The following PAH variants were observed in gnomAD, a reference collection of about 807,000 sequenced individuals.
The protein encoded by PAH is phenylalanine hydroxylase.
Under a neutral mutation model 62.0 loss-of-function variants are expected in PAH, and 64 were observed. The observed-to-expected ratio is 1.03, with a 90% CI of 0.84 to 1.27. The LOEUF is 1.27. PAH is among the 50% of genes most tolerant of loss of function. The probability of loss-of-function intolerance (pLI) is 0.00; values close to 1 mark genes in which losing one functional copy is unlikely to be tolerated. For synonymous variants in PAH, 195 were observed against 196.2 expected, an observed-to-expected ratio of 0.99 and a Z score of 0.05; for missense variants, 579 against 542.8, an observed-to-expected ratio of 1.07 and a Z score of -0.66.
upstream of PAH, among the ~76,000 whole-genome samples, chr12:102,955,072 A>T (rs1174431500): frequency 2.6e-5 from 4 of 152,238 alleles, no homozygotes; most frequent in Non-Finnish European, 5.9e-5. Context: ...TTTGGCCAGA[A>T]GGATCCCAGC....
intron 3 of PAH, among the ~76,000 whole-genome samples, chr12:102,883,939 G>T (rs1402600477): frequency 6.6e-6 from 1 of 152,192 alleles, no homozygotes; most frequent in Non-Finnish European, 1.5e-5. Context: ...GAGGGTTGAT[G>T]GGAGGATTAA....
chr12:102,904,899 C>A (rs1877913152), intron 2 of PAH, among the ~76,000 whole-genome samples: 1 of 152,116 alleles, frequency 6.6e-6, no homozygotes, highest in Admixed American at 6.6e-5. Context: ...TGCTCATTGC[C>A]ATTTTTCTGT....
At chr12:102,933,482 T>C (rs1878991376) in intron 1 of PAH, among the ~76,000 whole-genome samples, 1 of 152,150 alleles carries the variant, frequency 6.6e-6, no homozygotes. Context: ...TTATTTGGGG[T>C]ATATACCCAG....
intron 1 of PAH, among the ~76,000 whole-genome samples, chr12:102,926,372 G>T (rs1431325637): frequency 6.6e-6 from 1 of 151,820 alleles, no homozygotes; most frequent in African/African-American, 2.4e-5. Flanking sequence ...TAATATATGA[G>T]TAAATGGGAC....
chr12:102,901,345 T>G (rs1342914381), intron 2 of PAH, among the ~76,000 whole-genome samples: 4 of 152,246 alleles, frequency 2.6e-5, no homozygotes, highest in Non-Finnish European at 2.9e-5. Flanking sequence ...GTTGGTATTC[T>G]GTGTTTAAAA....
intron 11 of PAH, among the ~76,000 whole-genome samples, chr12:102,842,335 G>A (rs1874627432): frequency 6.6e-6 from 1 of 152,228 alleles, no homozygotes; most frequent in African/African-American, 2.4e-5. Context: ...AGAAGGACTT[G>A]AGAGCTCTGG....
intron 8 of PAH, among the ~76,000 whole-genome samples, chr12:102,850,299 A>G (rs985689586): frequency 2.0e-5 from 3 of 152,192 alleles, no homozygotes; most frequent in Admixed American, 2.0e-4. Context: ...ACCTCACATA[A>G]AAGTAATTTT....
intron 6 of PAH, among the ~76,000 whole-genome samples, chr12:102,854,506 T>C (rs1337973329): frequency 6.6e-6 from 1 of 152,202 alleles, no homozygotes; most frequent in Non-Finnish European, 1.5e-5. Flanking sequence ...GCTACTCAGA[T>C]TTCAATTCAG....
At chr12:102,890,015 T>G (rs1877209673) in intron 3 of PAH, among the ~76,000 whole-genome samples, 1 of 152,326 alleles carries the variant, frequency 6.6e-6, no homozygotes, top group Admixed American at 6.5e-5. Flanking sequence ...CCTATTAAAT[T>G]CACATCAGCT....
In PAH at chr12:102,877,447, G is replaced by C; in HGVS notation, c.441+15C>G. On this transcript the variant is annotated intron_variant, in intron 4 of 12. Transcript: ENST00000553106. Reference sequence around the variant, plus strand: ...AGGCACTGAAAAAATCTCATCCTACGGGCCATGGACTCACAGGGTGGTCAG... The same window carrying C: ...AGGCACTGAAAAAATCTCATCCTACCGGCCATGGACTCACAGGGTGGTCAG... The C allele has an allele frequency of 6.3e-7, 1 of 1,598,072 alleles. No homozygotes were observed. Among genetic ancestry groups the C allele is most frequent in the Non-Finnish European group, 8.6e-7 (1 of 1,165,432 alleles).
intron 5 of PAH, among the ~76,000 whole-genome samples, chr12:102,860,056 A>C (rs1875646536): frequency 6.6e-6 from 1 of 152,220 alleles, no homozygotes; most frequent in Non-Finnish European, 1.5e-5. Context: ...TTTGCAGATG[A>C]CATGATTGTA....
intron 3 of PAH, among the ~76,000 whole-genome samples, chr12:102,892,901 A>G (rs1417758431): frequency 6.6e-6 from 1 of 152,254 alleles, no homozygotes; most frequent in African/African-American, 2.4e-5. Flanking sequence ...AAACCAATAA[A>G]ACTGTAAAAT....
Position 102,838,514 on chromosome 12 carries a change from T to C in PAH, c.*661A>G, listed in dbSNP as rs993467544. 1 of 152,242 alleles carries C rather than the reference T, an allele frequency of 6.6e-6. No homozygotes were observed. The highest frequency in any genetic ancestry group is 2.4e-5 in the African/African-American group (1 of 41,464). The allele number at this position is 152,242 out of a possible 1,614,324, so 9.4% of individuals were successfully genotyped here. On this transcript the variant is annotated 3_prime_UTR_variant, in exon 13 of 13. Transcript: ENST00000553106. ...TTCCCAAAACAGACTTGATAATTAA[T>C]TGGAAAATGATACTGGAAGTTATGG... is the stretch of plus-strand genomic sequence containing the variant.
Position 102,855,008 on chromosome 12 carries a change from A to T in PAH, c.706+128T>A, listed in dbSNP as rs541025637. On this transcript the variant is annotated intron_variant, in intron 6 of 12. Coordinates refer to ENST00000553106, the MANE Select transcript of PAH (RefSeq NM_000277.3). ...AATTTAGTTCTTCCTGGAGGAATCA[A>T]CCTGCATGCATTCCTACAAGCACAT... 2.0e-5 allele frequency: 16 copies of T among 785,790 alleles called. No individual in the cohort carries two copies. In the East Asian group the frequency reaches 3.6e-4, roughly 18 times the overall value. The allele number at this position is 785,790 out of a possible 1,614,324, so 48.7% of individuals were successfully genotyped here. A position where few individuals can be genotyped will look rare whatever the true frequency, so the allele number is the denominator to read the frequency against.
chr12:102,903,660 C>G (rs1215843148), intron 2 of PAH, among the ~76,000 whole-genome samples: 1 of 152,142 alleles, frequency 6.6e-6, no homozygotes, highest in Non-Finnish European at 1.5e-5. Context: ...GGTCTGTCTA[C>G]TGTAAAAATG....
At chr12:102,854,761 C>G (rs900820165) in intron 6 of PAH, 4 of 318,552 alleles carry the variant, frequency 1.3e-5, no homozygotes, top group Non-Finnish European at 2.4e-5. Context: ...TAGCACATTT[C>G]TTACACAAAC....
intron 1 of PAH, chr12:102,923,523 A>T (rs1273866879): frequency 6.6e-6 from 1 of 152,304 alleles, no homozygotes; most frequent in African/African-American, 2.4e-5. Flanking sequence ...GACCAGAACA[A>T]ATGTTAGGTA....
intron 1 of PAH, chr12:102,958,186 GC>G: frequency 7.4e-7 from 1 of 1,344,870 alleles, no homozygotes; most frequent in Admixed American, 3.3e-5. Context: ...CCCCTCGCGG[GC>G]CCCGCACCTC....
intron 6 of PAH, chr12:102,853,349 C>A (rs964922282): frequency 2.2e-5 from 7 of 323,762 alleles, no homozygotes; most frequent in Non-Finnish European, 3.6e-5. Context: ...GGAATTTGAA[C>A]CTCATTTCCC....
Sources: gnomAD v4.1 joint callset for allele counts (sites outside exome capture counted in the v4.1 genomes callset) on GRCh38, gnomAD v4.1.1 for gene constraint, MANE v1.5 for transcripts, NCBI Gene and HGNC (gene_info 2026-07-23, HGNC 2026-07-21) for gene names.